The following GOLGA3 variants were observed in gnomAD, a reference collection of about 807,000 sequenced individuals.
GOLGA3 encodes the protein golgin A3.
In GOLGA3, 75 loss-of-function variants were observed where a neutral mutation model predicts 169.4. That is an observed-to-expected ratio of 0.44 (90% confidence interval 0.37 to 0.54). GOLGA3 has a LOEUF of 0.54. Ranked by LOEUF, GOLGA3 falls within the 20% of genes least tolerant of loss-of-function variation. GOLGA3 has a pLI of 0.00. For synonymous variants in GOLGA3, 824 were observed against 822.4 expected (o/e 1.00, Z -0.03); for missense variants, 1,899 against 1,930.0 (o/e 0.98, Z 0.30).
chr12:132,787,223 A>G (rs1355668767), intron 13 of GOLGA3, among the ~76,000 whole-genome samples: 3 of 152,102 alleles, frequency 2.0e-5, no homozygotes, highest in Non-Finnish European at 4.4e-5. Context: ...AAGTGCTGGG[A>G]TTACAGGTGT....
Position 132,791,387 on chromosome 12 carries a change from A to G in GOLGA3, c.2470-94T>C, listed in dbSNP as rs1593281112. 17 of 665,128 alleles carry G rather than the reference A, an allele frequency of 2.6e-5. No homozygotes were observed. In the East Asian group the frequency reaches 3.6e-4, roughly 14 times the overall value. 41.2% of individuals were successfully genotyped at this position (665,128 alleles called of 1,614,324 possible). A position where few individuals can be genotyped will look rare whatever the true frequency, so the allele number is the denominator to read the frequency against. ...ACACTGAAGCCTCCAGGAGGGGAAC[A>G]CATCTGCACAAATGTTACAGAGAGC... On this transcript the variant is annotated intron_variant, in intron 11 of 23. Coordinates refer to ENST00000450791, the MANE Select transcript of GOLGA3 (RefSeq NM_001389683.1).
intron 13 of GOLGA3, among the ~76,000 whole-genome samples, chr12:132,787,247 C>T (rs1285538556): frequency 2.0e-5 from 3 of 152,066 alleles, no homozygotes; most frequent in African/African-American, 4.8e-5. Context: ...CCACTGCACC[C>T]GGCCACAAAC....
At chr12:132,822,351 C>A in intron 1 of GOLGA3, 40 bp from the exon 2 acceptor site, 2 of 1,148,816 alleles carry the variant, frequency 1.7e-6, no homozygotes, top group South Asian at 4.5e-5. Flanking sequence ...TGAAACTTGT[C>A]AGATTTCAAG....
At chr12:132,827,860 G>A (rs1432407651) in intron 1 of GOLGA3, 2 of 151,040 alleles carry the variant, frequency 1.3e-5, no homozygotes, top group South Asian at 2.1e-4. Context: ...TTGAGGCCAG[G>A]AGTTCCACAC....
intron 10 of GOLGA3, 128 bp downstream of exon 10, chr12:132,796,411 A>G: frequency 8.1e-7 from 1 of 1,232,148 alleles, no homozygotes; most frequent in Non-Finnish European, 1.1e-6. Flanking sequence ...CGTCTGACCG[A>G]CAGCCCAACT....
At chr12:132,790,106 C>A (rs1001940508) in intron 12 of GOLGA3, among the ~76,000 whole-genome samples, 2 of 151,710 alleles carry the variant, frequency 1.3e-5, no homozygotes. Flanking sequence ...CCAAGGTGGG[C>A]GGATCACGAG....
intron 21 of GOLGA3, 123 bp from the exon 22 acceptor site, chr12:132,775,428 C>CG: frequency 1.3e-5 from 10 of 782,604 alleles, no homozygotes; most frequent in Non-Finnish European, 2.0e-5. Flanking sequence ...TAGATGATGC[C>CG]AGTCCAGGTC....
chr12:132,796,476 C>G (rs1948844530), intron 10 of GOLGA3, 63 bp downstream of exon 10: 1 of 1,525,694 alleles, frequency 6.6e-7, no homozygotes, highest in East Asian at 2.2e-5. Context: ...TCCTTGTGTG[C>G]AGTCCTGGCT....
intron 3 of GOLGA3, among the ~76,000 whole-genome samples, chr12:132,814,460 C>A (rs1593369581): frequency 1.3e-5 from 2 of 152,214 alleles, no homozygotes; most frequent in East Asian, 3.9e-4. Flanking sequence ...GCTGGGAGAA[C>A]CTGAAACGCC....
chr12:132,816,707 G>A lies in GOLGA3; in HGVS notation c.239C>T (p.Ser80Leu), dbSNP rs1040215314. ...GPTPPFPDPP[S>L]SLDPTTSPVG... ...TGGGCTTGTGGTGGGATCGAGAGACGACGGAGGGTCTGGGAAGGGTGGCGT... is the reference window on the plus strand; with the variant it reads ...TGGGCTTGTGGTGGGATCGAGAGACAACGGAGGGTCTGGGAAGGGTGGCGT... The change falls in exon 3 of 24, where the codon TCG becomes TTG. Residue 80 changes from serine to leucine, a missense_variant. By Grantham distance (145) the Ser-to-Leu change is moderately radical. Coordinates refer to ENST00000450791, the MANE Select transcript of GOLGA3 (RefSeq NM_001389683.1). The A allele has an allele frequency of 5.0e-6, 8 of 1,614,008 alleles. No homozygotes were observed. The highest frequency in any genetic ancestry group is 1.1e-5 in the South Asian group (1 of 91,084).
intron 6 of GOLGA3, among the ~76,000 whole-genome samples, chr12:132,805,743 G>C (rs1949363369): frequency 6.6e-6 from 1 of 152,258 alleles, no homozygotes; most frequent in Admixed American, 6.5e-5. Flanking sequence ...ACCTGCACAG[G>C]GCAGCGCTAG....
At chr12:132,788,488 G>A (rs1048828402) in intron 13 of GOLGA3, among the ~76,000 whole-genome samples, 2 of 152,104 alleles carry the variant, frequency 1.3e-5, no homozygotes, top group South Asian at 2.1e-4. Flanking sequence ...ACCTGCAGCC[G>A]AGAAACTGTC....
rs146650437 is a variant in GOLGA3, at chr12:132,789,147, G to A, written c.2691C>T (p.Ala897=). 2.2e-5 allele frequency: 35 copies of A among 1,612,698 alleles called. No individual in the cohort carries two copies. The highest frequency in any genetic ancestry group is 3.3e-4 in the Middle Eastern group (2 of 6,084). Residue 897 remains alanine (A), a synonymous_variant, in exon 13 of 24, where the codon GCC becomes GCT. Coordinates refer to ENST00000450791, the MANE Select transcript of GOLGA3 (RefSeq NM_001389683.1). ...LMQVHGEKRT[A]EAELSRLHRE... is the part of the protein sequence containing the mutation. ...TGTGCAGGCGCGAGAGCTCCGCCTCGGCAGTCCGCTTCTCCCCGTGCACTT... is the reference window on the plus strand; with the variant it reads ...TGTGCAGGCGCGAGAGCTCCGCCTCAGCAGTCCGCTTCTCCCCGTGCACTT...
At chr12:132,802,607 A>C (rs866103173) in intron 7 of GOLGA3, among the ~76,000 whole-genome samples, 54 of 152,318 alleles carry the variant, frequency 3.5e-4, no homozygotes, top group African/African-American at 1.3e-3. Flanking sequence ...CGTGGGCAAC[A>C]GAGCAACCCA....
chr12:132,783,384 C>T (rs964875780), intron 16 of GOLGA3, among the ~76,000 whole-genome samples: 3 of 152,186 alleles, frequency 2.0e-5, no homozygotes, highest in Non-Finnish European at 4.4e-5. Flanking sequence ...TGTCCAGGCA[C>T]TGAGCCCTGG....
intron 11 of GOLGA3, among the ~76,000 whole-genome samples, chr12:132,795,136 G>A (rs1948766783): frequency 6.8e-6 from 1 of 147,562 alleles, no homozygotes; most frequent in African/African-American, 2.5e-5. Flanking sequence ...GCAGTGAGCC[G>A]AGATCACCGC....
At chr12:132,819,577 AGCAGATAC>A (rs1950126808) in intron 2 of GOLGA3, among the ~76,000 whole-genome samples, 1 of 152,248 alleles carries the variant, frequency 6.6e-6, no homozygotes, top group Non-Finnish European at 1.5e-5. Flanking sequence ...TCAAACTAAC[AGCAGATAC>A]TTACTGTCAT....
At position 132,782,422 on chromosome 12, in the gene GOLGA3, T is replaced by A. The variant is rs746270836; in HGVS notation, c.3339A>T (p.Glu1113Asp). Residue 1113 changes from glutamate to aspartate, a missense_variant, in exon 17 of 24, where the codon GAA becomes GAT. Coordinates refer to ENST00000450791, the MANE Select transcript of GOLGA3 (RefSeq NM_001389683.1). The part of the protein sequence containing the change: ...LEESNKKLAL[E>D]LEHEKGKLTG... The stretch of plus-strand genomic sequence containing the variant: ...TAAGCTTCCCTTTCTCGTGCTCTAA[T>A]TCAAGAGCCAACTTCTTGTTTGACT... 1.7e-5 allele frequency: 27 copies of A among 1,613,710 alleles called. No homozygotes were observed. The Admixed American group carries it at 3.0e-4, about 18-fold the overall frequency.
At chr12:132,796,283 T>TC in intron 10 of GOLGA3, 63 bp from the exon 11 acceptor site, 4 of 1,509,566 alleles carry the variant, frequency 2.6e-6, no homozygotes, top group Non-Finnish European at 3.5e-6. Context: ...TATGCCCTTT[T>TC]CCTGTTCGGG....
Sources: gnomAD v4.1 joint callset for allele counts (sites outside exome capture counted in the v4.1 genomes callset) on GRCh38, gnomAD v4.1.1 for gene constraint, MANE v1.5 for transcripts, NCBI Gene and HGNC (gene_info 2026-07-23, HGNC 2026-07-21) for gene names.